Variants in PDE11A observed in about 807,000 individuals in gnomAD.
PDE11A encodes the protein dual 3',5'-cyclic-AMP and -GMP phosphodiesterase 11A.
In PDE11A, 100 loss-of-function variants were observed where a neutral mutation model predicts 100.5. The observed-to-expected ratio is 1.00, with a 90% CI of 0.85 to 1.18. The LOEUF (loss-of-function observed/expected upper bound fraction) is 1.18. PDE11A is among the 50% of genes most tolerant of loss of function. The probability of loss-of-function intolerance (pLI) is 0.00; values close to 1 mark genes in which losing one functional copy is unlikely to be tolerated. For missense variants in PDE11A, 1,141 were observed against 1,152.6 expected, an observed-to-expected ratio of 0.99 and a Z score of 0.15; for synonymous variants, 381 against 420.8, an observed-to-expected ratio of 0.91 and a Z score of 1.16.
At chr2:177,840,495 A>T (rs908928255) in intron 5 of PDE11A, 112 bp from the exon 6 acceptor site, 1 of 929,030 alleles carries the variant, frequency 1.1e-6, no homozygotes, top group African/African-American at 1.6e-5. Context: ...TTAAGAAAAA[A>T]TAAGTGACAT....
intron 2 of PDE11A, among the ~76,000 whole-genome samples, chr2:177,918,626 G>T (rs935249190): frequency 6.6e-6 from 1 of 152,108 alleles, no homozygotes; most frequent in Non-Finnish European, 1.5e-5. Context: ...AAACAGAAGT[G>T]ATCAAGGAAA....
chr2:177,644,900 T>G lies in PDE11A; in HGVS notation c.2647-15338A>C, dbSNP rs1373881635. 2.0e-5 allele frequency among the ~76,000 whole-genome samples: 3 copies of G among 152,264 alleles called. No homozygotes were observed. In the South Asian group the frequency reaches 6.2e-4, roughly 31 times the overall value. On this transcript the variant is annotated intron_variant, in intron 19 of 19. Coordinates refer to ENST00000286063, the MANE Select transcript of PDE11A (RefSeq NM_016953.4). Reference sequence around the variant, plus strand: ...TGAGTTTCCCTGCACAAGCTCTCCCTCTTTGCCTGCTGCCATCCATGTAAA... The same window carrying G: ...TGAGTTTCCCTGCACAAGCTCTCCCGCTTTGCCTGCTGCCATCCATGTAAA...
chr2:177,706,887 C>T (rs1179153458), intron 13 of PDE11A, among the ~76,000 whole-genome samples: 2 of 92,692 alleles, frequency 2.2e-5, no homozygotes, highest in Admixed American at 2.7e-4. Flanking sequence ...TTGGGGACCT[C>T]GGTTTTTGTT....
chr2:177,992,528 T>G (rs535273953), intron 2 of PDE11A, among the ~76,000 whole-genome samples: 2 of 152,348 alleles, frequency 1.3e-5, no homozygotes, highest in East Asian at 3.9e-4. Flanking sequence ...TTAATCCATT[T>G]CCACTAATGT....
At chr2:177,968,772 AT>A (rs1406099423) in intron 2 of PDE11A, among the ~76,000 whole-genome samples, 1 of 152,198 alleles carries the variant, frequency 6.6e-6, no homozygotes, top group Non-Finnish European at 1.5e-5. Context: ...AAAACAACAG[AT>A]GCTGGCGAGG....
At chr2:177,714,704 A>G (rs1337567095) in intron 12 of PDE11A, among the ~76,000 whole-genome samples, 1 of 152,240 alleles carries the variant, frequency 6.6e-6, no homozygotes, top group Non-Finnish European at 1.5e-5. Flanking sequence ...CAACCAGTAT[A>G]CAATGATTGT....
rs1166654090 is a variant in PDE11A, at chr2:177,660,143, CTCTT to C, written c.2646+3719_2646+3722del. On this transcript the variant is annotated intron_variant, in intron 19 of 19. Coordinates refer to ENST00000286063, the MANE Select transcript of PDE11A (RefSeq NM_016953.4). ...TCTTTCTTTCTTTCATTCCTTCTCT[CTCTT>C]TCTTTCTTCTCTCTCTCTCTCTCCT... Among the ~76,000 whole-genome samples, 9 of 58,110 alleles carry C rather than the reference CTCTT, an allele frequency of 1.5e-4. 2 individuals are homozygous for C. The highest frequency in any genetic ancestry group is 4.7e-4 in the Admixed American group (2 of 4,216). The allele number at this position is 58,110 out of a possible 152,430, so 38.1% of individuals were successfully genotyped here. A position where few individuals can be genotyped will look rare whatever the true frequency, so the allele number is the denominator to read the frequency against.
intron 14 of PDE11A, among the ~76,000 whole-genome samples, chr2:177,700,518 G>A (rs367693608): frequency 4.6e-4 from 70 of 152,112 alleles, no homozygotes; most frequent in Admixed American, 1.2e-3. Context: ...TTTCTCTGTG[G>A]AGAGCTAAAA....
chr2:178,083,372 C>T (rs903125490), intron 2 of PDE11A, among the ~76,000 whole-genome samples: 1 of 152,106 alleles, frequency 6.6e-6, no homozygotes, highest in Admixed American at 6.6e-5. Context: ...GTGCTGGGAT[C>T]ACAGGCGTGA....
intron 2 of PDE11A, among the ~76,000 whole-genome samples, chr2:177,994,113 C>T (rs370527004): frequency 1.3e-5 from 2 of 151,820 alleles, no homozygotes; most frequent in East Asian, 3.9e-4. Context: ...GTATTTTTAG[C>T]AGACACAGGG....
chr2:177,948,044 T>G (rs1408682932), intron 2 of PDE11A, among the ~76,000 whole-genome samples: 1 of 152,068 alleles, frequency 6.6e-6, no homozygotes, highest in Non-Finnish European at 1.5e-5. Flanking sequence ...CGACCTTTTT[T>G]TTTTAACAGA....
chr2:177,865,305 C>A (rs1323013213), intron 5 of PDE11A, among the ~76,000 whole-genome samples: 1 of 152,030 alleles, frequency 6.6e-6, no homozygotes, highest in East Asian at 1.9e-4. Context: ...ACAAAAACCA[C>A]AATGAAATGC....
intron 2 of PDE11A, among the ~76,000 whole-genome samples, chr2:177,969,172 A>G (rs2105795537): frequency 1.3e-5 from 2 of 152,326 alleles, no homozygotes; most frequent in Non-Finnish European, 2.9e-5. Context: ...ACAGGAACAG[A>G]AAGCCAAACA....
chr2:177,979,077 T>TAA lies in PDE11A; in HGVS notation c.1071+35223_1071+35224dup, dbSNP rs72020976. 9.9e-3 allele frequency among the ~76,000 whole-genome samples: 1,114 copies of TAA among 113,014 alleles called. 17 individuals are homozygous for TAA. Among genetic ancestry groups the TAA allele is most frequent in the African/African-American group, 0.03 (948 of 31,522 alleles). 74.1% of individuals were successfully genotyped at this position (113,014 alleles called of 152,430 possible). A position where few individuals can be genotyped will look rare whatever the true frequency, so the allele number is the denominator to read the frequency against. Reference sequence around the variant, plus strand: ...ATGTACCCTAAAACTTAGAGTATAATAAAAAAAAAAAAAAAAAGAAAGAAA... The same window carrying TAA: ...ATGTACCCTAAAACTTAGAGTATAATAAAAAAAAAAAAAAAAAAAGAAAGAAA... On this transcript the variant is annotated intron_variant, in intron 2 of 19. Coordinates refer to ENST00000286063, the MANE Select transcript of PDE11A (RefSeq NM_016953.4).
intron 2 of PDE11A, among the ~76,000 whole-genome samples, chr2:178,095,882 A>C (rs946157411): frequency 2.6e-5 from 4 of 152,186 alleles, no homozygotes; most frequent in Non-Finnish European, 4.4e-5. Flanking sequence ...CCTTTTAGCC[A>C]TAGTTGGAAC....
intron 5 of PDE11A, among the ~76,000 whole-genome samples, chr2:177,845,511 A>G (rs1365060078): frequency 4.8e-5 from 6 of 125,556 alleles, no homozygotes; most frequent in African/African-American, 9.2e-5. Flanking sequence ...CCTAGATGGG[A>G]TGGCGGCCGG....
At chr2:178,050,975 G>A (rs1323333025) in intron 1 of PDE11A, among the ~76,000 whole-genome samples, 1 of 152,158 alleles carries the variant, frequency 6.6e-6, no homozygotes, top group Non-Finnish European at 1.5e-5. Flanking sequence ...TAGCAAGGCA[G>A]ACCAACATTC....
chr2:177,989,741 C>G (rs2085980938), intron 2 of PDE11A, among the ~76,000 whole-genome samples: 1 of 152,170 alleles, frequency 6.6e-6, no homozygotes. Context: ...CTGGAATCCT[C>G]CAGCCTCACC....
At chr2:177,890,873 T>TA (rs777746394) in intron 4 of PDE11A, among the ~76,000 whole-genome samples, 2 of 152,336 alleles carry the variant, frequency 1.3e-5, no homozygotes, top group South Asian at 2.1e-4. Flanking sequence ...CATGTTCTGA[T>TA]AAAAACAGCT....
Sources: gnomAD v4.1 joint callset for allele counts (sites outside exome capture counted in the v4.1 genomes callset) on GRCh38, gnomAD v4.1.1 for gene constraint, MANE v1.5 for transcripts, NCBI Gene and HGNC (gene_info 2026-07-23, HGNC 2026-07-21) for gene names.